Variants in VPS41 observed in about 807,000 individuals in gnomAD.
VPS41 encodes the protein vacuolar protein sorting-associated protein 41 homolog.
A neutral mutation model predicts 130.9 loss-of-function variants in VPS41; 85 were observed. The observed-to-expected ratio is 0.65, with a 90% CI of 0.55 to 0.78. VPS41 has a LOEUF of 0.78. Ranked by LOEUF, VPS41 falls within the 30% of genes least tolerant of loss-of-function variation. The probability of loss-of-function intolerance (pLI) is 0.00; values close to 1 mark genes in which losing one functional copy is unlikely to be tolerated. For missense variants in VPS41, 874 were observed against 1,018.7 expected, an observed-to-expected ratio of 0.86 and a Z score of 1.93; for synonymous variants, 335 against 332.9, an observed-to-expected ratio of 1.01 and a Z score of -0.07.
chr7:38,870,918 C>T (rs1481708427), intron 2 of VPS41, among the ~76,000 whole-genome samples: 1 of 147,008 alleles, frequency 6.8e-6, no homozygotes, highest in Admixed American at 6.7e-5. Context: ...ATTAGCAAAA[C>T]AGAAGACAAA....
At position 38,772,521 on chromosome 7, in the gene VPS41, C is replaced by A; in HGVS notation, c.1128+1G>T. 1 of 1,594,844 alleles carries A rather than the reference C, an allele frequency of 6.3e-7. No homozygotes were observed. The highest frequency in any genetic ancestry group is 8.6e-7 in the Non-Finnish European group (1 of 1,163,194). On this transcript the variant is annotated splice_donor_variant, in intron 13 of 28. Transcript: ENST00000310301. LOFTEE classifies it high-confidence loss of function. Reference sequence around the variant, plus strand: ...TTTCAAAGAAGTAAAATCAAGGGTACTTCATATTTCTTCTTTTCAAGGAGC... The same window carrying A: ...TTTCAAAGAAGTAAAATCAAGGGTAATTCATATTTCTTCTTTTCAAGGAGC...
At chr7:38,734,424 T>C (rs780699642) in intron 25 of VPS41, among the ~76,000 whole-genome samples, 4 of 152,312 alleles carry the variant, frequency 2.6e-5, no homozygotes, top group Non-Finnish European at 5.9e-5. Context: ...CAACCAGCTA[T>C]GGCTTCTATA....
chr7:38,871,297 C>T (rs766063700), intron 2 of VPS41, among the ~76,000 whole-genome samples: 1 of 152,158 alleles, frequency 6.6e-6, no homozygotes. Context: ...TGATGAGACA[C>T]ACTAGGCAGA....
chr7:38,758,434 A>G lies in VPS41; in HGVS notation c.1470T>C (p.Asn490=). The G allele has an allele frequency of 1.2e-6, 2 of 1,613,516 alleles. No homozygotes were observed. Among genetic ancestry groups the G allele is most frequent in the Non-Finnish European group, 8.5e-7 (1 of 1,179,672 alleles). ...CCCGAACTGCTTGAACTATGACTGAATTATTATACAGATCTCCAGGCCATT... is the reference window on the plus strand; with the variant it reads ...CCCGAACTGCTTGAACTATGACTGAGTTATTATACAGATCTCCAGGCCATT... ...IREWPGDLYN[N]SVIVQAVRDH... Residue 490 remains asparagine (N), a synonymous_variant, in exon 18 of 29, where the codon AAT becomes AAC. Transcript: ENST00000310301.
Position 38,785,775 on chromosome 7 carries a change from A to C in VPS41, c.784+4026T>G, listed in dbSNP as rs551981076. On this transcript the variant is annotated intron_variant, in intron 10 of 28. Transcript: ENST00000310301. ...TTCTTCTTTTTAAAAGGGCTGAAAG[A>C]AGCATAATCTAAGTTTGGTTCCCTT... Among the ~76,000 whole-genome samples, 4 of 152,358 alleles carry C rather than the reference A, an allele frequency of 2.6e-5. No homozygotes were observed. The South Asian group carries it at 8.3e-4, about 32-fold the overall frequency.
At position 38,723,756 on chromosome 7, in the gene VPS41, T is replaced by G. The variant is rs1463883271; in HGVS notation, c.*2490A>C. ...AAAAAAAAAAAAAAAAAAAAAAGAA[T>G]AGCTTATGAAGTGTGTACTTTGCAA... On this transcript the variant is annotated 3_prime_UTR_variant, in exon 29 of 29. Transcript: ENST00000310301. 3 of 61,140 alleles carry G rather than the reference T, an allele frequency of 4.9e-5. No homozygotes were observed. The highest frequency in any genetic ancestry group is 2.2e-4 in the African/African-American group (3 of 13,514). 3.8% of individuals were successfully genotyped at this position (61,140 alleles called of 1,614,324 possible).
In VPS41 at chr7:38,898,927, A is replaced by G. The variant is rs1471688122; in HGVS notation, c.22-798T>C. 3.5e-5 allele frequency among the ~76,000 whole-genome samples: 5 copies of G among 143,592 alleles called. No individual in the cohort carries two copies. In the East Asian group the frequency reaches 1.0e-3, roughly 30 times the overall value. The allele number at this position is 143,592 out of a possible 152,430, so 94.2% of individuals were successfully genotyped here. On this transcript the variant is annotated intron_variant, in intron 1 of 28. Coordinates refer to ENST00000310301, the MANE Select transcript of VPS41 (RefSeq NM_014396.4). ...CTGACACTGAATGTAAGCACTTTAC[A>G]ACAATCCATGAGATAAACAAAGAAC... is the stretch of plus-strand genomic sequence containing the variant.
chr7:38,817,667 G>A (rs1314302672), intron 7 of VPS41, 150 bp downstream of exon 7: 2 of 738,340 alleles, frequency 2.7e-6, no homozygotes, highest in Non-Finnish European at 4.8e-6. Context: ...ACTCCCCCAA[G>A]AGATGATGAT....
chr7:38,904,087 G>A (rs1787200713), intron 1 of VPS41, among the ~76,000 whole-genome samples: 1 of 152,044 alleles, frequency 6.6e-6, no homozygotes, highest in Admixed American at 6.5e-5. Flanking sequence ...GGAATCACAA[G>A]CCATTTTTAA....
chr7:38,783,685 C>A (rs1325438919), intron 10 of VPS41, among the ~76,000 whole-genome samples: 1 of 152,110 alleles, frequency 6.6e-6, no homozygotes, highest in East Asian at 1.9e-4. Context: ...CCATAAGCCC[C>A]TTAAGCCAGA....
chr7:38,745,874 C>T (rs543707294), intron 22 of VPS41: 25 of 381,010 alleles, frequency 6.6e-5, no homozygotes, highest in African/African-American at 4.9e-4. Context: ...AAACAAGACA[C>T]CAAATGAAAA....
intron 7 of VPS41, among the ~76,000 whole-genome samples, chr7:38,803,295 T>G (rs1242518828): frequency 1.3e-5 from 2 of 152,240 alleles, no homozygotes; most frequent in Non-Finnish European, 2.9e-5. Flanking sequence ...ATTGGCCCTG[T>G]TTTAATCACC....
chr7:38,903,638 T>C (rs573612723), intron 1 of VPS41, among the ~76,000 whole-genome samples: 4 of 152,300 alleles, frequency 2.6e-5, no homozygotes, highest in Middle Eastern at 3.4e-3. Context: ...CTATGCGCCC[T>C]AGCTGAGCAT....
intron 12 of VPS41, among the ~76,000 whole-genome samples, chr7:38,773,451 T>C (rs569854801): frequency 3.5e-4 from 53 of 152,182 alleles, no homozygotes; most frequent in Non-Finnish European, 6.0e-4. Flanking sequence ...TTGGCCACAA[T>C]GAGAACTGAA....
At chr7:38,837,080 G>A in intron 4 of VPS41, among the ~76,000 whole-genome samples, 1 of 152,264 alleles carries the variant, frequency 6.6e-6, no homozygotes, top group South Asian at 2.1e-4. Flanking sequence ...TAACAAAAAG[G>A]TATTATGTAG....
Position 38,869,143 on chromosome 7 carries a change from T to TA in VPS41, c.168+2dup, listed in dbSNP as rs763494727. On this transcript the variant is annotated splice_region_variant and intron_variant, in intron 3 of 28. Transcript: ENST00000310301. ...GAAGAATCCTCTGAAAGTGCTATCT[T>TA]ACCTTGTCATGGACTGTCATGCAGC... 1 of 1,555,472 alleles carries TA rather than the reference T, an allele frequency of 6.4e-7. No individual in the cohort carries two copies. Among genetic ancestry groups the TA allele is most frequent in the East Asian group, 2.3e-5 (1 of 43,518 alleles).
At chr7:38,832,315 C>CTTTTTTTTTT (rs1785403007) in intron 4 of VPS41, among the ~76,000 whole-genome samples, 1 of 126,390 alleles carries the variant, frequency 7.9e-6, no homozygotes, top group African/African-American at 2.9e-5. Flanking sequence ...CATTTTCTTT[C>CTTTTTTTTTT]TTTCTTTTTT....
At chr7:38,901,548 T>G (rs10239757) in intron 1 of VPS41, among the ~76,000 whole-genome samples, 146,207 of 152,152 alleles carry the variant, frequency 0.96, 70,284 homozygotes, top group East Asian at 1. Flanking sequence ...ACCAGCTCTC[T>G]TGGGAACTAA....
At chr7:38,789,483 A>T (rs1349174801) in intron 10 of VPS41, among the ~76,000 whole-genome samples, 1 of 152,068 alleles carries the variant, frequency 6.6e-6, no homozygotes, top group South Asian at 2.1e-4. Context: ...CAGCACAGAG[A>T]CCAAGGAGAA....
Sources: allele counts gnomAD v4.1 joint callset (sites outside exome capture counted in the v4.1 genomes callset), GRCh38; gene constraint gnomAD v4.1.1; transcripts MANE v1.5; gene names NCBI Gene and HGNC (gene_info 2026-07-23, HGNC 2026-07-21).